MYO7B: variants seen among roughly 807,000 people sequenced by gnomAD.
The protein encoded by MYO7B is myosin VIIB.
A neutral mutation model predicts 259.7 loss-of-function variants in MYO7B; 212 were observed. The ratio of observed to expected loss-of-function variants is 0.82; its 90% CI spans 0.73 to 0.91. MYO7B has a LOEUF of 0.91. Ranked by LOEUF, MYO7B falls within the 40% of genes least tolerant of loss-of-function variation. MYO7B has a pLI of 0.00. For missense variants in MYO7B, 2,732 were observed against 2,813.5 expected (o/e 0.97, Z 0.66); for synonymous variants, 1,197 against 1,166.4 (o/e 1.03, Z -0.54).
chr2:127,580,778 G>C lies in MYO7B; in HGVS notation c.1036G>C (p.Val346Leu), dbSNP rs778604208. 6.2e-7 allele frequency: 1 copy of C among 1,613,602 alleles called. No individual in the cohort carries two copies. Among genetic ancestry groups the C allele is most frequent in the Non-Finnish European group, 8.5e-7 (1 of 1,179,782 alleles). Residue 346 changes from valine to leucine, a missense_variant, in exon 10 of 48, where the codon GTG becomes CTG. By Grantham distance (32) the Val-to-Leu change is conservative. Transcript: ENST00000409816. ...CTTCGAGAACCTGGACGCCTCAGAC[G>C]TGATGGAGACGCCCGCCTTTCCCAC... ...SVFENLDASD[V>L]METPAFPTVM... is the part of the protein sequence containing the mutation.
At chr2:127,567,683 A>ATTCG (rs907820698) in intron 5 of MYO7B, among the ~76,000 whole-genome samples, 4 of 152,176 alleles carry the variant, frequency 2.6e-5, no homozygotes, top group African/African-American at 9.7e-5. Context: ...TCATTCATTC[A>ATTCG]TTCATTCAAT....
rs543046455 is a variant in MYO7B, at chr2:127,539,984, T to A, written c.-24+4153T>A. On this transcript the variant is annotated intron_variant, in intron 1 of 47. Coordinates refer to ENST00000409816, the MANE Select transcript of MYO7B (RefSeq NM_001393586.1). This position sits in a 1 kb window ranked among gnomAD's most constrained non-coding sequence, Gnocchi z 4.0. ...CTTAGAATAATGGCCTCCAGCTCCA[T>A]CCAAGTAGCTGCCCAAGACATTATT... Among the ~76,000 whole-genome samples the A allele has an allele frequency of 2.0e-5, 3 of 152,308 alleles. No individual in the cohort carries two copies. In the South Asian group the frequency reaches 6.2e-4, roughly 32 times the overall value.
Position 127,627,297 on chromosome 2 carries a change from C to CT in MYO7B, c.4448dup (p.Ala1484GlyfsTer19), listed in dbSNP as rs1396960781. 1.2e-6 allele frequency: 2 copies of CT among 1,612,940 alleles called. No individual in the cohort carries two copies. The highest frequency in any genetic ancestry group is 8.5e-7 in the Non-Finnish European group (1 of 1,179,790). ...ACTCTCTTTCCCAGAGGTCATGGGT[C>CT]TGGCCACCAACAGGTGCGGGCCCTG... On this transcript the variant is annotated frameshift_variant, in exon 33 of 48. Coordinates refer to ENST00000409816, the MANE Select transcript of MYO7B (RefSeq NM_001393586.1). LOFTEE classifies it high-confidence loss of function. The surrounding 1 kb of genome is among the most constrained non-coding windows in gnomAD (Gnocchi z 5.6).
chr2:127,637,722 CAGG>C (rs987418147), exon 48 of MYO7B: 36 of 324,816 alleles, frequency 1.1e-4, no homozygotes, highest in Admixed American at 9.0e-5. Context: ...ACTCCTGGAG[CAGG>C]AGAAGTGTGT....
In MYO7B at chr2:127,633,377, C is replaced by G. The variant is rs1021822457; in HGVS notation, c.5511+14C>G. 3.8e-5 allele frequency: 62 copies of G among 1,610,482 alleles called. No individual in the cohort carries two copies. The highest frequency in any genetic ancestry group is 5.0e-5 in the Non-Finnish European group (59 of 1,178,230). ...GACACCAGTGAGGTGAGGCCCTGCT[C>G]TGGTCTGCACGGCAAGTCTCAGGCC... On this transcript the variant is annotated intron_variant, in intron 40 of 47. Transcript: ENST00000409816.
In MYO7B at chr2:127,623,375, G is replaced by A. The variant is rs371100943; in HGVS notation, c.3819G>A (p.Lys1273=). Residue 1273 remains lysine (K), a splice_region_variant and synonymous_variant, in exon 29 of 48, where the codon AAG becomes AAA. Transcript: ENST00000409816. ...GFSLQVAVYD[K]FWSLGSGRDH... Reference sequence around the variant, plus strand: ...CCCTCCAGGTCGCCGTGTACGACAAGGTACCAGCCAGGCACCCTGCCCGTC... The same window carrying A: ...CCCTCCAGGTCGCCGTGTACGACAAAGTACCAGCCAGGCACCCTGCCCGTC... 2 of 1,577,112 alleles carry A rather than the reference G, an allele frequency of 1.3e-6. No individual in the cohort carries two copies. Among genetic ancestry groups the A allele is most frequent in the Non-Finnish European group, 8.6e-7 (1 of 1,161,840 alleles).
At chr2:127,555,856 T>A (rs1375324697) in intron 1 of MYO7B, among the ~76,000 whole-genome samples, 1 of 152,226 alleles carries the variant, frequency 6.6e-6, no homozygotes, top group Non-Finnish European at 1.5e-5. Flanking sequence ...CACTGAGGAA[T>A]AGAATGTACA....
intron 15 of MYO7B, among the ~76,000 whole-genome samples, chr2:127,588,960 G>C (rs1473952797): frequency 6.7e-6 from 1 of 149,114 alleles, no homozygotes; most frequent in East Asian, 2.0e-4. Flanking sequence ...TGGATAGATG[G>C]GTGAGTGGGT....
chr2:127,631,148 G>A (rs1036402841), intron 36 of MYO7B, 58 bp from the exon 37 acceptor site: 9 of 1,506,178 alleles, frequency 6.0e-6, no homozygotes, highest in Non-Finnish European at 8.0e-6. Context: ...AGAGGACAGA[G>A]AAGCGTGGGA....
chr2:127,536,112 G>A (rs1573593370), intron 1 of MYO7B, among the ~76,000 whole-genome samples: 3 of 152,250 alleles, frequency 2.0e-5, no homozygotes, highest in East Asian at 1.9e-4. Flanking sequence ...GGAGGGGAAC[G>A]GCAGGTGCCA....
chr2:127,631,354 A>T lies in MYO7B; in HGVS notation c.5086A>T (p.Ile1696Phe). 1.9e-6 allele frequency: 3 copies of T among 1,607,720 alleles called. No individual in the cohort carries two copies. Among genetic ancestry groups the T allele is most frequent in the Non-Finnish European group, 2.6e-6 (3 of 1,175,892 alleles). ...NVDLWDIACQ[I>F]FVAILRYMGD... ...CGACCTCTGGGACATCGCCTGCCAG[A>T]TCTTTGTCGATATCCTTCCCCACCA... Residue 1696 changes from isoleucine to phenylalanine, a missense_variant, in exon 37 of 48, where the codon ATC (isoleucine) becomes TTC (phenylalanine). By Grantham distance (21) the Ile-to-Phe change is conservative. This residue lies in a region of MYO7B where 821 missense variants were observed against 769.3 expected (regional missense o/e 1.07). Transcript: ENST00000409816.
At chr2:127,537,823 C>G (rs1692849328) in intron 1 of MYO7B, among the ~76,000 whole-genome samples, 1 of 152,174 alleles carries the variant, frequency 6.6e-6, no homozygotes, top group African/African-American at 2.4e-5. Flanking sequence ...ATCTCCTGCA[C>G]ATGCCCAGGC....
chr2:127,637,547 A>C lies in MYO7B; in HGVS notation c.*130A>C. The C allele has an allele frequency of 1.5e-6, 1 of 684,144 alleles. No individual in the cohort carries two copies. Among genetic ancestry groups the C allele is most frequent in the Non-Finnish European group, 2.3e-6 (1 of 428,734 alleles). 42.4% of individuals were successfully genotyped at this position (684,144 alleles called of 1,614,324 possible). On this transcript the variant is annotated 3_prime_UTR_variant, in exon 48 of 48. Transcript: ENST00000409816. ...CCATGCTGCCCCCCATACAAAGCCC[A>C]CTCAGCCCCGCAGGCGGCCCCCTCT... is the stretch of plus-strand genomic sequence containing the variant.
intron 19 of MYO7B, among the ~76,000 whole-genome samples, chr2:127,602,500 A>C (rs1281631880): frequency 1.3e-5 from 2 of 151,982 alleles, no homozygotes; most frequent in African/African-American, 2.4e-5. Context: ...AAAAATACAA[A>C]AATTATCTGG....
intron 28 of MYO7B, 64 bp from the exon 29 acceptor site, chr2:127,623,138 G>C (rs1403853048): frequency 1.3e-6 from 2 of 1,571,944 alleles, no homozygotes; most frequent in Non-Finnish European, 1.7e-6. Flanking sequence ...GGTAGTGGAT[G>C]GGGGGTTGGC....
Position 127,628,619 on chromosome 2 carries a change from T to A in MYO7B, c.4624+84T>A. The stretch of plus-strand genomic sequence containing the variant: ...GGTCTGTAGGTAGGTGGCATGCTCA[T>A]CTCCACACAGCAGCCACAAGGCAAG... On this transcript the variant is annotated intron_variant, in intron 34 of 47. Transcript: ENST00000409816. The surrounding 1 kb of genome is among the most constrained non-coding windows in gnomAD (Gnocchi z 4.8). 7.3e-7 allele frequency: 1 copy of A among 1,370,966 alleles called. No homozygotes were observed. Among genetic ancestry groups the A allele is most frequent in the Non-Finnish European group, 9.9e-7 (1 of 1,014,344 alleles). 84.9% of individuals were successfully genotyped at this position (1,370,966 alleles called of 1,614,324 possible). A position where few individuals can be genotyped will look rare whatever the true frequency, so the allele number is the denominator to read the frequency against.
chr2:127,571,426 A>G (rs1404233227), intron 6 of MYO7B, among the ~76,000 whole-genome samples: 1 of 29,050 alleles, frequency 3.4e-5, no homozygotes, highest in Non-Finnish European at 7.8e-5. Context: ...TAATTGGTCT[A>G]TTTCCTTACC....
chr2:127,592,794 C>CT lies in MYO7B; in HGVS notation c.1994dup (p.Phe666ValfsTer64). The CT allele has an allele frequency of 6.2e-7, 1 of 1,609,198 alleles. No homozygotes were observed. ...GTCAGCGCCCGGTGTCCGCCCACAG[C>CT]TGTTCGACCGGGAGCTGTGCCTGCG... On this transcript the variant is annotated frameshift_variant and splice_region_variant, in exon 17 of 48. Transcript: ENST00000409816. LOFTEE classifies it high-confidence loss of function.
chr2:127,632,432 G>C, intron 39 of MYO7B, 31 bp downstream of exon 39: 2 of 1,500,980 alleles, frequency 1.3e-6, no homozygotes, highest in African/African-American at 2.8e-5. Flanking sequence ...CCCCAGCATT[G>C]GCCCTGGGCC....
Sources: allele counts gnomAD v4.1 joint callset (sites outside exome capture counted in the v4.1 genomes callset), GRCh38; gene constraint gnomAD v4.1.1; regional missense constraint gnomAD v4.1.1; non-coding constraint Gnocchi (gnomAD v3.1); transcripts MANE v1.5; gene names NCBI Gene and HGNC (gene_info 2026-07-23, HGNC 2026-07-21).